RAD51B: variants seen among roughly 807,000 people sequenced by gnomAD.
The protein encoded by RAD51B is RAD51 paralog B.
A neutral mutation model predicts 42.2 loss-of-function variants in RAD51B; 38 were observed. The ratio of observed to expected loss-of-function variants is 0.90; its 90% CI spans 0.70 to 1.18. The LOEUF (loss-of-function observed/expected upper bound fraction) is 1.18, where lower values mean the gene tolerates loss of function less well. Ranked by LOEUF, RAD51B falls within the 50% of genes most tolerant of loss-of-function variation. RAD51B has a pLI of 0.00. For missense variants in RAD51B, 373 were observed against 400.7 expected (o/e 0.93, Z 0.59); for synonymous variants, 154 against 145.2 (o/e 1.06, Z -0.43).
chr14:68,622,467 A>C (rs1419097640), intron 10 of RAD51B, among the ~76,000 whole-genome samples: 2 of 152,118 alleles, frequency 1.3e-5, no homozygotes, highest in Non-Finnish European at 2.9e-5. Context: ...GGGAGTTCTT[A>C]GGAGGTCACA....
intron 7 of RAD51B, among the ~76,000 whole-genome samples, chr14:68,147,328 G>A (rs1337408190): frequency 1.3e-5 from 2 of 152,118 alleles, no homozygotes; most frequent in African/African-American, 2.4e-5. Context: ...CTCACATTGA[G>A]ATTTAATGTA....
At chr14:67,931,642 AC>A (rs1333264822) in intron 7 of RAD51B, among the ~76,000 whole-genome samples, 1 of 151,608 alleles carries the variant, frequency 6.6e-6, no homozygotes, top group Non-Finnish European at 1.5e-5. Context: ...AGCTGGGATT[AC>A]AGGTGCCCAC....
At chr14:68,222,645 A>T (rs2079953260) in intron 7 of RAD51B, among the ~76,000 whole-genome samples, 1 of 152,288 alleles carries the variant, frequency 6.6e-6, no homozygotes, top group South Asian at 2.1e-4. Context: ...ATGTAACCAA[A>T]CACCTCTGTT....
intron 10 of RAD51B, chr14:68,469,159 T>A: frequency 2.0e-6 from 1 of 498,350 alleles, no homozygotes; most frequent in South Asian, 1.4e-5. Context: ...GAGCATATTG[T>A]CACTGCTGTC....
intron 11 of RAD51B, among the ~76,000 whole-genome samples, chr14:68,672,827 G>A (rs1893186882): frequency 6.6e-6 from 1 of 152,202 alleles, no homozygotes; most frequent in African/African-American, 2.4e-5. Context: ...TGTCCCTTCA[G>A]AGGGTGTTAC....
At chr14:68,446,257 GC>G (rs1442126356) in intron 9 of RAD51B, among the ~76,000 whole-genome samples, 1 of 152,168 alleles carries the variant, frequency 6.6e-6, no homozygotes, top group East Asian at 1.9e-4. Flanking sequence ...ATTATGAAGT[GC>G]TCTGAAGTTA....
At chr14:68,610,459 A>T (rs1332190813) in intron 10 of RAD51B, among the ~76,000 whole-genome samples, 1 of 152,238 alleles carries the variant, frequency 6.6e-6, no homozygotes, top group African/African-American at 2.4e-5. Context: ...TCAGAAACCC[A>T]TATGAGCTCC....
At chr14:68,534,857 A>G (rs954450157) in intron 10 of RAD51B, among the ~76,000 whole-genome samples, 2 of 152,208 alleles carry the variant, frequency 1.3e-5, no homozygotes, top group Non-Finnish European at 2.9e-5. Context: ...TGCTCAATAC[A>G]TATTTGTTGA....
intron 4 of RAD51B, among the ~76,000 whole-genome samples, chr14:67,841,252 C>T (rs2041417839): frequency 3.3e-5 from 5 of 152,172 alleles, no homozygotes. Context: ...TGTTCATGTC[C>T]TTTACCCACT....
intron 7 of RAD51B, among the ~76,000 whole-genome samples, chr14:67,933,920 A>G (rs576122222): frequency 1.3e-5 from 2 of 152,278 alleles, no homozygotes; most frequent in South Asian, 2.1e-4. Flanking sequence ...CTTTAATTCT[A>G]CCAGAATTGA....
At chr14:68,515,433 TCTTCTTCTTC>T (rs1886066847) in intron 10 of RAD51B, among the ~76,000 whole-genome samples, 1 of 119,138 alleles carries the variant, frequency 8.4e-6, no homozygotes, top group African/African-American at 3.0e-5. Flanking sequence ...CTTCCTTTCT[TCTTCTTCTTC>T]TTTTTTTTTT....
chr14:68,240,024 G>A (rs968288616), intron 7 of RAD51B, among the ~76,000 whole-genome samples: 5 of 152,242 alleles, frequency 3.3e-5, no homozygotes, highest in Non-Finnish European at 7.3e-5. Context: ...AGGCATCAGA[G>A]CTGAGAGACC....
chr14:68,296,953 AG>A (rs1370052650), intron 8 of RAD51B, among the ~76,000 whole-genome samples: 3 of 152,210 alleles, frequency 2.0e-5, no homozygotes, highest in Admixed American at 6.5e-5. Flanking sequence ...CCTAGAACCA[AG>A]AGTGGTTTCT....
At chr14:68,108,692 G>T (rs1024491823) in intron 7 of RAD51B, among the ~76,000 whole-genome samples, 1 of 151,802 alleles carries the variant, frequency 6.6e-6, no homozygotes, top group Non-Finnish European at 1.5e-5. Flanking sequence ...ATTAGATATT[G>T]GTGATGGTTA....
At chr14:68,663,670 C>G (rs1243115576) in intron 11 of RAD51B, among the ~76,000 whole-genome samples, 2 of 152,238 alleles carry the variant, frequency 1.3e-5, no homozygotes, top group Non-Finnish European at 1.5e-5. Context: ...TATTTTGAGT[C>G]ATTGCCTAAA....
chr14:68,369,390 G>C (rs1348774528), intron 8 of RAD51B, among the ~76,000 whole-genome samples: 1 of 152,152 alleles, frequency 6.6e-6, no homozygotes, highest in Non-Finnish European at 1.5e-5. Flanking sequence ...TTGAATTATG[G>C]AAACCTTCCG....
At chr14:68,429,964 A>G (rs534269005) in intron 9 of RAD51B, among the ~76,000 whole-genome samples, 1 of 152,180 alleles carries the variant, frequency 6.6e-6, no homozygotes, top group East Asian at 1.9e-4. Flanking sequence ...CTTTCTACAT[A>G]TGGCCAGCCA....
intron 7 of RAD51B, among the ~76,000 whole-genome samples, chr14:68,230,182 G>C (rs2080118614): frequency 6.6e-6 from 1 of 152,036 alleles, no homozygotes; most frequent in South Asian, 2.1e-4. Flanking sequence ...AGTGTAATGT[G>C]GATTATATAA....
In RAD51B at chr14:68,176,506, C is replaced by G. The variant is rs143614680; in HGVS notation, c.757-115378C>G. Among the ~76,000 whole-genome samples, 1,159 of 152,256 alleles carry G rather than the reference C, an allele frequency of 7.6e-3. 19 individuals carry two copies. Among genetic ancestry groups the G allele is most frequent in the African/African-American group, 0.027 (1,113 of 41,542 alleles). ...CTCAGCTTTACCAGCGACTTCACCT[C>G]AGGCAACTCAATCATCATTAGATGA... On this transcript the variant is annotated intron_variant, in intron 7 of 10. Transcript: ENST00000471583.
Sources: gnomAD v4.1 joint callset for allele counts (sites outside exome capture counted in the v4.1 genomes callset) on GRCh38, gnomAD v4.1.1 for gene constraint, MANE v1.5 for transcripts, NCBI Gene and HGNC (gene_info 2026-07-23, HGNC 2026-07-21) for gene names.